Variants in FUT8 observed in about 807,000 individuals in gnomAD.
FUT8 encodes alpha-(1,6)-fucosyltransferase.
A neutral mutation model predicts 71.3 loss-of-function variants in FUT8; 29 were observed. The observed-to-expected ratio is 0.41, with a 90% CI of 0.30 to 0.55. The LOEUF (loss-of-function observed/expected upper bound fraction) is 0.55, where lower values mean the gene tolerates loss of function less well. Among genes scored for constraint, FUT8 ranks in the 20% least tolerant of loss-of-function variants. The pLI, the probability that FUT8 is intolerant of heterozygous loss-of-function variation, is 0.34. For missense variants in FUT8, 544 were observed against 702.1 expected (o/e 0.77, Z 2.55); for synonymous variants, 254 against 239.3 (o/e 1.06, Z -0.57).
chr14:65,634,070 C>T (rs1224243508), intron 6 of FUT8, among the ~76,000 whole-genome samples: 2 of 152,208 alleles, frequency 1.3e-5, no homozygotes, highest in South Asian at 4.1e-4. Context: ...GTGTACCCAA[C>T]AGCTCATTGA....
the FUT8 span, among the ~76,000 whole-genome samples, chr14:65,377,852 A>G: frequency 6.6e-6 from 1 of 152,128 alleles, no homozygotes; most frequent in Non-Finnish European, 1.5e-5. Context: ...ACTTCAAAGA[A>G]GTTGGAAATT....
rs535449442 is a variant in FUT8 at position 65,418,384 on chromosome 14, T to G, written c.-326+5170T>G. ...ATCCCTTAAATGAGATATCAAATTC[T>G]AATAATATCTAGAACCAGATTAAAT... On this transcript the variant is annotated intron_variant, in intron 1 of 10. Coordinates refer to ENST00000673929, the MANE Select transcript of FUT8 (RefSeq NM_001371533.1). Among the ~76,000 whole-genome samples, 4 of 152,336 alleles carry G rather than the reference T, an allele frequency of 2.6e-5. No individual in the cohort carries two copies. In the South Asian group the frequency reaches 8.3e-4, roughly 32 times the overall value.
intron 2 of FUT8, among the ~76,000 whole-genome samples, chr14:65,476,637 A>ATTTTTTTT (rs200882761): frequency 6.4e-5 from 8 of 125,072 alleles, no homozygotes; most frequent in African/African-American, 1.5e-4. Flanking sequence ...AAAGAAGTAG[A>ATTTTTTTT]TTTTTTTTTT....
In FUT8 at chr14:65,413,358, C is replaced by T. The variant is rs1013326710; in HGVS notation, c.-326+144C>T. On this transcript the variant is annotated intron_variant, in intron 1 of 10. Transcript: ENST00000673929. This position sits in a 1 kb window ranked among gnomAD's most constrained non-coding sequence, Gnocchi z 4.1. ...AACTGCTGCCGGTTAACCAGCGGCT[C>T]TCGGAAAAGTGGGGAGGGAGCCCCC... 1.3e-5 allele frequency: 2 copies of T among 152,434 alleles called. No homozygotes were observed. Among genetic ancestry groups the T allele is most frequent in the African/African-American group, 4.8e-5 (2 of 41,458 alleles). 9.4% of individuals were successfully genotyped at this position (152,434 alleles called of 1,614,324 possible). A position where few individuals can be genotyped will look rare whatever the true frequency, so the allele number is the denominator to read the frequency against.
At chr14:65,418,995 G>A (rs1427794301) in intron 1 of FUT8, among the ~76,000 whole-genome samples, 1 of 152,124 alleles carries the variant, frequency 6.6e-6, no homozygotes, top group African/African-American at 2.4e-5. Flanking sequence ...TTGGGAGGCC[G>A]AGGCAGGTGG....
intron 7 of FUT8, among the ~76,000 whole-genome samples, chr14:65,703,968 CG>C (rs1230485019): frequency 6.6e-6 from 1 of 152,122 alleles, no homozygotes; most frequent in Non-Finnish European, 1.5e-5. Flanking sequence ...CATGACTCTG[CG>C]TTTTCATTTT....
intron 2 of FUT8, among the ~76,000 whole-genome samples, chr14:65,547,620 G>C (rs1000942387): frequency 6.6e-6 from 1 of 151,720 alleles, no homozygotes; most frequent in Non-Finnish European, 1.5e-5. Context: ...AGCCTGAAAA[G>C]TATCCTTTTA....
intron 2 of FUT8, among the ~76,000 whole-genome samples, chr14:65,554,441 A>G (rs1885471883): frequency 6.8e-6 from 1 of 146,238 alleles, no homozygotes; most frequent in African/African-American, 2.5e-5. Context: ...TATTATATAT[A>G]TATATTTATA....
chr14:65,428,800 G>A (rs191631799), intron 1 of FUT8, among the ~76,000 whole-genome samples: 78 of 152,340 alleles, frequency 5.1e-4, no homozygotes, highest in African/African-American at 1.8e-3. Flanking sequence ...GTTATGAAGA[G>A]AAGTACAAGA....
At chr14:65,538,434 C>T (rs1884474889) in intron 2 of FUT8, among the ~76,000 whole-genome samples, 1 of 152,148 alleles carries the variant, frequency 6.6e-6, no homozygotes, top group Non-Finnish European at 1.5e-5. Context: ...TGAAGATCTG[C>T]TAGAAGTGTA....
chr14:65,744,043 AAAAAG>A lies in FUT8; in HGVS notation c.*1637_*1641del, dbSNP rs2139419543. On this transcript the variant is annotated 3_prime_UTR_variant, in exon 11 of 11. Transcript: ENST00000673929. ...TTTCTCAAGTCAAGCCTCCCAAAGAAAAAAGAAATTAACTTCCTACAGTGTCAGCA... is the reference window on the plus strand; with the variant it reads ...TTTCTCAAGTCAAGCCTCCCAAAGAAAAATTAACTTCCTACAGTGTCAGCA... 6.6e-6 allele frequency: 1 copy of A among 152,042 alleles called. No homozygotes were observed. The highest frequency in any genetic ancestry group is 2.4e-5 in the African/African-American group (1 of 41,530). 9.4% of individuals were successfully genotyped at this position (152,042 alleles called of 1,614,324 possible).
At chr14:65,539,030 A>T (rs1405972892) in intron 2 of FUT8, among the ~76,000 whole-genome samples, 1 of 152,250 alleles carries the variant, frequency 6.6e-6, no homozygotes, top group Non-Finnish European at 1.5e-5. Flanking sequence ...GCTGGCCGAT[A>T]TAAAATGAAG....
chr14:65,366,826 C>G, the FUT8 span, among the ~76,000 whole-genome samples: 1 of 152,098 alleles, frequency 6.6e-6, no homozygotes, highest in South Asian at 2.1e-4. Context: ...AAATGTAATA[C>G]CCTCAGGAGA....
chr14:65,634,271 C>G (rs894659102), intron 6 of FUT8, among the ~76,000 whole-genome samples: 3 of 152,000 alleles, frequency 2.0e-5, no homozygotes, highest in African/African-American at 7.3e-5. Context: ...TACCCCCAAC[C>G]CTGTGCTCTC....
chr14:65,680,555 A>G (rs2268962), intron 7 of FUT8, among the ~76,000 whole-genome samples: 53,818 of 152,090 alleles, frequency 0.35, 11,845 homozygotes, highest in Non-Finnish European at 0.5. Flanking sequence ...ATTTGTGTCT[A>G]TCCTTACACT....
chr14:65,531,066 A>C (rs531152509), intron 2 of FUT8, among the ~76,000 whole-genome samples: 3 of 151,184 alleles, frequency 2.0e-5, no homozygotes, highest in Non-Finnish European at 4.4e-5. Flanking sequence ...TACTCTTTCA[A>C]ATTCCTTCAA....
chr14:65,384,788 C>T, the FUT8 span, among the ~76,000 whole-genome samples: 2 of 152,150 alleles, frequency 1.3e-5, no homozygotes, highest in African/African-American at 4.8e-5. This position sits in a 1 kb window ranked among gnomAD's most constrained non-coding sequence, Gnocchi z 4.2. Flanking sequence ...CCATTGTCCT[C>T]ACATTTTAAA....
chr14:65,655,000 C>T (rs899617759), intron 6 of FUT8, among the ~76,000 whole-genome samples: 14 of 151,868 alleles, frequency 9.2e-5, no homozygotes, highest in Admixed American at 5.9e-4. Context: ...GATCCGCCCA[C>T]CTCGGCCTCC....
chr14:65,592,610 T>G (rs1566839900), intron 3 of FUT8, among the ~76,000 whole-genome samples: 1 of 152,206 alleles, frequency 6.6e-6, no homozygotes, highest in Non-Finnish European at 1.5e-5. Context: ...CCTAGTTCTG[T>G]CTAATGATAC....
Sources: allele counts gnomAD v4.1 joint callset (sites outside exome capture counted in the v4.1 genomes callset), GRCh38; gene constraint gnomAD v4.1.1; non-coding constraint Gnocchi (gnomAD v3.1); transcripts MANE v1.5; gene names NCBI Gene and HGNC (gene_info 2026-07-23, HGNC 2026-07-21).